The following ROR1 variants were observed in gnomAD, a reference collection of about 807,000 sequenced individuals.
ROR1 encodes ROR family WNT receptor 1.
A neutral mutation model predicts 78.8 loss-of-function variants in ROR1; 19 were observed. That is an observed-to-expected ratio of 0.24 (90% CI 0.17 to 0.35). ROR1 has a LOEUF of 0.35. ROR1 is among the 10% of genes least tolerant of loss of function. The pLI, the probability that ROR1 is intolerant of heterozygous loss-of-function variation, is 1.00. For missense variants in ROR1, 917 were observed against 1,177.8 expected (o/e 0.78, Z 3.24); for synonymous variants, 386 against 433.6 (o/e 0.89, Z 1.36).
chr1:63,858,220 G>A (rs1302883744), intron 1 of ROR1, among the ~76,000 whole-genome samples: 1 of 152,082 alleles, frequency 6.6e-6, no homozygotes, highest in Non-Finnish European at 1.5e-5. Flanking sequence ...TTCCTGAAAT[G>A]GTGTCTTCTT....
At chr1:64,066,771 A>C (rs1346307818) in intron 4 of ROR1, 1 of 152,232 alleles carries the variant, frequency 6.6e-6, no homozygotes, top group Non-Finnish European at 1.5e-5. Flanking sequence ...GTTAAAAGAA[A>C]CATAAAATTA....
chr1:64,048,838 A>G (rs1646805884), intron 2 of ROR1, among the ~76,000 whole-genome samples: 1 of 152,156 alleles, frequency 6.6e-6, no homozygotes, highest in South Asian at 2.1e-4. Context: ...CTATGGTAAT[A>G]GAAATTAGAA....
chr1:63,967,127 A>G (rs1382146799), intron 1 of ROR1, among the ~76,000 whole-genome samples: 2 of 152,222 alleles, frequency 1.3e-5, no homozygotes, highest in Admixed American at 6.5e-5. Flanking sequence ...AAGATTTAGA[A>G]TGGTGCTTGG....
intron 2 of ROR1, among the ~76,000 whole-genome samples, chr1:64,018,167 A>G (rs1646536297): frequency 1.3e-5 from 2 of 152,120 alleles, no homozygotes; most frequent in African/African-American, 4.8e-5. Context: ...CCCTGGGCCC[A>G]CAGCTTTGGT....
intron 8 of ROR1, among the ~76,000 whole-genome samples, chr1:64,164,544 G>T (rs1032996722): frequency 5.3e-5 from 8 of 152,258 alleles, no homozygotes; most frequent in Admixed American, 5.2e-4. Context: ...CACCTCACAG[G>T]TACTTAATAA....
intron 4 of ROR1, among the ~76,000 whole-genome samples, chr1:64,125,011 A>C (rs899747490): frequency 6.6e-6 from 1 of 152,222 alleles, no homozygotes; most frequent in Non-Finnish European, 1.5e-5. Flanking sequence ...TCTTGCTTGC[A>C]AAGTTTGTAT....
At chr1:63,952,719 G>T (rs961165448) in intron 1 of ROR1, among the ~76,000 whole-genome samples, 1 of 152,128 alleles carries the variant, frequency 6.6e-6, no homozygotes, top group Non-Finnish European at 1.5e-5. Flanking sequence ...ATACCTGAGT[G>T]CCCTGAGAAT....
At chr1:63,929,441 C>A (rs1238441116) in intron 1 of ROR1, among the ~76,000 whole-genome samples, 1 of 151,976 alleles carries the variant, frequency 6.6e-6, no homozygotes, top group East Asian at 1.9e-4. Flanking sequence ...CTCTCTCTCT[C>A]GGTTGCTTTC....
intron 1 of ROR1, among the ~76,000 whole-genome samples, chr1:63,793,816 G>GT (rs1363641267): frequency 1.3e-5 from 2 of 152,186 alleles, no homozygotes; most frequent in Non-Finnish European, 2.9e-5. Flanking sequence ...TCTGAGCTTT[G>GT]TTTTTCCCAG....
chr1:64,072,715 C>T (rs955928687), intron 4 of ROR1, among the ~76,000 whole-genome samples: 1 of 152,138 alleles, frequency 6.6e-6, no homozygotes, highest in Non-Finnish European at 1.5e-5. Context: ...TCTGTACCCA[C>T]ACATGCCAGG....
At chr1:63,878,545 C>G (rs1249218507) in intron 1 of ROR1, among the ~76,000 whole-genome samples, 2 of 151,438 alleles carry the variant, frequency 1.3e-5, no homozygotes, top group South Asian at 2.1e-4. Context: ...TGGTTTAAAA[C>G]TCCTTCACGG....
intron 4 of ROR1, among the ~76,000 whole-genome samples, chr1:64,121,982 A>T (rs1002579635): frequency 6.6e-6 from 1 of 152,200 alleles, no homozygotes; most frequent in Non-Finnish European, 1.5e-5. Context: ...AGCTGCCACA[A>T]CCTGGCCACC....
chr1:63,943,900 C>G (rs757855112), intron 1 of ROR1, among the ~76,000 whole-genome samples: 1 of 152,092 alleles, frequency 6.6e-6, no homozygotes, highest in Non-Finnish European at 1.5e-5. Flanking sequence ...AGAGTTTATT[C>G]TTTCGTCTCT....
At chr1:64,014,740 C>CGA (rs1646504665) in intron 2 of ROR1, among the ~76,000 whole-genome samples, 1 of 29,048 alleles carries the variant, frequency 3.4e-5, no homozygotes. Flanking sequence ...CATACGCACA[C>CGA]TATATATATA....
Position 63,974,370 on chromosome 1 carries a change from A to C in ROR1, c.92-34935A>C, listed in dbSNP as rs75396399. On this transcript the variant is annotated intron_variant, in intron 1 of 8. Transcript: ENST00000371079. ...GAGAAAAAAAATAAAAGAACACTTA[A>C]TAGGTGGTCAAGAAATATTATTGAA... Among the ~76,000 whole-genome samples the C allele has an allele frequency of 6.1e-3, 928 of 152,366 alleles. 12 individuals are homozygous for C. The highest frequency in any genetic ancestry group is 0.022 in the African/African-American group (899 of 41,588).
intron 4 of ROR1, among the ~76,000 whole-genome samples, chr1:64,118,539 A>C (rs1287140172): frequency 6.9e-6 from 1 of 144,866 alleles, no homozygotes; most frequent in Non-Finnish European, 1.5e-5. Flanking sequence ...AGTCAGGAGA[A>C]TTGCTTGAAC....
chr1:64,101,173 G>A (rs1268814485), intron 4 of ROR1, among the ~76,000 whole-genome samples: 1 of 152,156 alleles, frequency 6.6e-6, no homozygotes, highest in Non-Finnish European at 1.5e-5. Flanking sequence ...TGTGCAGAAA[G>A]TAAACAGGGA....
intron 4 of ROR1, among the ~76,000 whole-genome samples, chr1:64,080,260 G>T (rs1225257781): frequency 1.3e-5 from 2 of 152,100 alleles, no homozygotes; most frequent in African/African-American, 2.4e-5. Flanking sequence ...AGATATTTTT[G>T]ATTGTCATGA....
chr1:63,848,442 A>G (rs934887859), intron 1 of ROR1, among the ~76,000 whole-genome samples: 7 of 152,240 alleles, frequency 4.6e-5, no homozygotes, highest in Admixed American at 2.6e-4. Context: ...AAAGAACACT[A>G]TAAATATATG....
Sources: gnomAD v4.1 joint callset for allele counts (sites outside exome capture counted in the v4.1 genomes callset) on GRCh38, gnomAD v4.1.1 for gene constraint, MANE v1.5 for transcripts, NCBI Gene and HGNC (gene_info 2026-07-23, HGNC 2026-07-21) for gene names.